The following GXYLT2 variants were observed in gnomAD, a reference collection of about 807,000 sequenced individuals.
GXYLT2 encodes glucoside xylosyltransferase 2.
In GXYLT2, 53 loss-of-function variants were observed where a neutral mutation model predicts 45.8. That is an observed-to-expected ratio of 1.16 (90% CI 0.93 to 1.46). The LOEUF (loss-of-function observed/expected upper bound fraction) is 1.46, where lower values mean the gene tolerates loss of function less well. Among genes scored for constraint, GXYLT2 ranks in the 40% most tolerant of loss-of-function variants. The pLI, the probability that GXYLT2 is intolerant of heterozygous loss-of-function variation, is 0.00. For missense variants in GXYLT2, 551 were observed against 544.4 expected (o/e 1.01, Z -0.12); for synonymous variants, 219 against 214.2 (o/e 1.02, Z -0.19).
In GXYLT2 at chr3:72,948,204, G is replaced by A. The variant is rs73838430; in HGVS notation, c.601-6894G>A. Among the ~76,000 whole-genome samples the A allele has an allele frequency of 3.5e-3, 527 of 152,264 alleles. 5 individuals are homozygous for A. The highest frequency in any genetic ancestry group is 0.012 in the African/African-American group (484 of 41,550). On this transcript the variant is annotated intron_variant, in intron 3 of 6. Transcript: ENST00000389617. ...CTGGATGTAAAGCTCCATGGAGCTC[G>A]TGAAAACCAGTGAGGATATAGAAGA...
At chr3:72,929,221 T>C in intron 3 of GXYLT2, 2 of 1,576,544 alleles carry the variant, frequency 1.3e-6, no homozygotes, top group Non-Finnish European at 1.7e-6. Context: ...TTCACCAATC[T>C]CATGAGGAGA....
chr3:72,907,649 A>G (rs531948471), intron 1 of GXYLT2, among the ~76,000 whole-genome samples: 1 of 152,110 alleles, frequency 6.6e-6, no homozygotes, highest in Non-Finnish European at 1.5e-5. Flanking sequence ...TGTTGACTCA[A>G]TATTTGATAC....
intron 4 of GXYLT2, among the ~76,000 whole-genome samples, chr3:72,956,889 CAAAACA>C (rs530195344): frequency 2.8e-4 from 16 of 57,424 alleles, no homozygotes; most frequent in South Asian, 1.3e-3. Context: ...GACTCTGTCT[CAAAACA>C]AAAACAAAAA....
chr3:72,908,339 A>G, intron 1 of GXYLT2, 28 bp from the exon 2 acceptor site: 1 of 1,546,800 alleles, frequency 6.5e-7, no homozygotes, highest in Non-Finnish European at 8.7e-7. Flanking sequence ...GTTTAGTAAT[A>G]GCTTTCACTT....
intron 3 of GXYLT2, among the ~76,000 whole-genome samples, chr3:72,928,068 G>A (rs913935336): frequency 4.6e-5 from 7 of 152,150 alleles, no homozygotes; most frequent in African/African-American, 1.7e-4. Flanking sequence ...TACTCCATAA[G>A]CATAATGATT....
intron 5 of GXYLT2, among the ~76,000 whole-genome samples, chr3:72,958,901 G>A (rs1212683789): frequency 6.6e-6 from 1 of 151,434 alleles, no homozygotes; most frequent in Non-Finnish European, 1.5e-5. Flanking sequence ...CAAAGTGCTG[G>A]GATTGTAGGC....
In GXYLT2 at chr3:72,956,013, G is replaced by A. The variant is rs918092413; in HGVS notation, c.852+664G>A. 3.3e-5 allele frequency among the ~76,000 whole-genome samples: 5 copies of A among 152,182 alleles called. No homozygotes were observed. In the East Asian group the frequency reaches 7.7e-4, roughly 23 times the overall value. ...GAATCGTGTGAACCCGAACAGCAGA[G>A]GTTGCAGTGAGCCAAGATCACGCCA... is the stretch of plus-strand genomic sequence containing the variant. On this transcript the variant is annotated intron_variant, in intron 4 of 6. Coordinates refer to ENST00000389617, the MANE Select transcript of GXYLT2 (RefSeq NM_001080393.2).
intron 1 of GXYLT2, among the ~76,000 whole-genome samples, chr3:72,889,907 GTT>G (rs5850087): frequency 1.2e-4 from 14 of 118,774 alleles, no homozygotes; most frequent in Admixed American, 1.7e-4. Flanking sequence ...TTTTTTTTTT[GTT>G]TTTTTTTTTT....
At chr3:72,918,893 T>C (rs1326680331) in intron 2 of GXYLT2, among the ~76,000 whole-genome samples, 3 of 152,132 alleles carry the variant, frequency 2.0e-5, no homozygotes, top group Non-Finnish European at 4.4e-5. Context: ...TTCAGTGTCA[T>C]ATGTGATTAG....
chr3:72,958,478 C>G (rs1710693049), intron 5 of GXYLT2, among the ~76,000 whole-genome samples: 1 of 151,702 alleles, frequency 6.6e-6, no homozygotes, highest in African/African-American at 2.4e-5. Flanking sequence ...AAAAAAAATT[C>G]TGGAATAAAA....
chr3:72,959,673 C>CA (rs1710731896), intron 5 of GXYLT2, among the ~76,000 whole-genome samples: 1 of 151,970 alleles, frequency 6.6e-6, no homozygotes, highest in Non-Finnish European at 1.5e-5. Context: ...CTGGCTCTGT[C>CA]ACCCAGGCTG....
chr3:72,958,867 G>A (rs939002321), intron 5 of GXYLT2, among the ~76,000 whole-genome samples: 1 of 151,186 alleles, frequency 6.6e-6, no homozygotes, highest in Non-Finnish European at 1.5e-5. Context: ...CCTGACCTCA[G>A]GTGATCTGCC....
chr3:72,926,371 C>A (rs1709918436), intron 3 of GXYLT2, among the ~76,000 whole-genome samples: 1 of 152,184 alleles, frequency 6.6e-6, no homozygotes, highest in Admixed American at 6.5e-5. Context: ...GACTAATGGT[C>A]CTATGACATG....
intron 2 of GXYLT2, among the ~76,000 whole-genome samples, chr3:72,909,062 CTTTTTTTTTTTTTT>C (rs71126804): frequency 1.1e-4 from 10 of 91,120 alleles, no homozygotes; most frequent in Non-Finnish European, 1.9e-4. Flanking sequence ...TTCTTCCTTT[CTTTTTTTTTTTTTT>C]TTTTTTTTTT....
Position 72,922,355 on chromosome 3 carries a change from A to G in GXYLT2, c.600+20A>G, listed in dbSNP as rs778707041. 54 of 1,607,958 alleles carry G rather than the reference A, an allele frequency of 3.4e-5. No individual in the cohort carries two copies. Among genetic ancestry groups the G allele is most frequent in the Non-Finnish European group, 4.2e-5 (50 of 1,178,022 alleles). Reference sequence around the variant, plus strand: ...CTTCCGGTAGGAACACCTGTTTTTAATAAGTTGTAGCTTGCTCCTGGAAAT... The same window carrying G: ...CTTCCGGTAGGAACACCTGTTTTTAGTAAGTTGTAGCTTGCTCCTGGAAAT... On this transcript the variant is annotated intron_variant, in intron 3 of 6. Coordinates refer to ENST00000389617, the MANE Select transcript of GXYLT2 (RefSeq NM_001080393.2).
rs769990256 is a variant in GXYLT2, at chr3:72,908,593, T to C, written c.468+34T>C. ...GCAGAAATCATGGCACAGTGTTTACTAAGTACAAACAGACTACATTTTAGG... is the reference window on the plus strand; with the variant it reads ...GCAGAAATCATGGCACAGTGTTTACCAAGTACAAACAGACTACATTTTAGG... On this transcript the variant is annotated intron_variant, in intron 2 of 6. Coordinates refer to ENST00000389617, the MANE Select transcript of GXYLT2 (RefSeq NM_001080393.2). The C allele has an allele frequency of 5.5e-6, 7 of 1,279,744 alleles. No individual in the cohort carries two copies. In the Admixed American group the frequency reaches 1.0e-4, roughly 19 times the overall value. The allele number at this position is 1,279,744 out of a possible 1,614,324, so 79.3% of individuals were successfully genotyped here.
chr3:72,926,243 A>G (rs549840935), intron 3 of GXYLT2, among the ~76,000 whole-genome samples: 1 of 152,228 alleles, frequency 6.6e-6, no homozygotes, highest in Non-Finnish European at 1.5e-5. Flanking sequence ...ATCAGAGCAT[A>G]AGTCTTTGCA....
intron 3 of GXYLT2, among the ~76,000 whole-genome samples, chr3:72,954,756 T>A (rs894616029): frequency 4.6e-5 from 7 of 152,124 alleles, no homozygotes; most frequent in African/African-American, 1.7e-4. Context: ...CAAGTGGCCT[T>A]ATTGGAAGAT....
intron 3 of GXYLT2, among the ~76,000 whole-genome samples, chr3:72,931,036 A>G (rs531676385): frequency 5.9e-5 from 9 of 152,338 alleles, no homozygotes; most frequent in Middle Eastern, 3.4e-3. Context: ...GTGAGTGCAC[A>G]TGAAACTTTC....
Sources: allele counts gnomAD v4.1 joint callset (sites outside exome capture counted in the v4.1 genomes callset), GRCh38; gene constraint gnomAD v4.1.1; transcripts MANE v1.5; gene names NCBI Gene and HGNC (gene_info 2026-07-23, HGNC 2026-07-21).